Variants in ARF1 observed in about 807,000 individuals in gnomAD.
ARF1 encodes ARF GTPase 1, also known as ADP-ribosylation factor 1.
ARF1 carries 1 observed loss-of-function variant against 18.0 expected under a neutral mutation model. That is an observed-to-expected ratio of 0.06 (90% CI 0.02 to 0.26). The LOEUF (loss-of-function observed/expected upper bound fraction) is 0.26, where lower values mean the gene tolerates loss of function less well. Among genes scored for constraint, ARF1 ranks in the 10% least tolerant of loss-of-function variants. The pLI, the probability that ARF1 is intolerant of heterozygous loss-of-function variation, is 1.00. For missense variants in ARF1, 73 were observed against 247.2 expected, an observed-to-expected ratio of 0.30 and a Z score of 4.73; for synonymous variants, 112 against 96.3, an observed-to-expected ratio of 1.16 and a Z score of -0.95.
At chr1:228,093,743 G>T (rs531340365) in intron 1 of ARF1, among the ~76,000 whole-genome samples, 2 of 152,006 alleles carry the variant, frequency 1.3e-5, no homozygotes, top group African/African-American at 4.8e-5. Flanking sequence ...GACCAACATG[G>T]TGAAACCCCG....
At chr1:228,088,558 C>G (rs1362193284) in intron 1 of ARF1, among the ~76,000 whole-genome samples, 1 of 152,166 alleles carries the variant, frequency 6.6e-6, no homozygotes, top group Non-Finnish European at 1.5e-5. Flanking sequence ...AACAGGTGTT[C>G]TGAAGTTCCA....
intron 1 of ARF1, chr1:228,083,263 G>C (rs3754356): frequency 0.21 from 31,752 of 152,274 alleles, 3,406 homozygotes; most frequent in Middle Eastern, 0.21. Context: ...CCGCCTCGGG[G>C]ACCGGGAAAC....
At chr1:228,083,134 C>T (rs1015037772) in intron 1 of ARF1, 1 of 152,284 alleles carries the variant, frequency 6.6e-6, no homozygotes, top group Non-Finnish European at 1.5e-5. Context: ...CTCTGCCTTT[C>T]TCGTTTCCCG....
At chr1:228,095,588 ATTC>A (rs1228002188) in intron 1 of ARF1, among the ~76,000 whole-genome samples, 3 of 152,160 alleles carry the variant, frequency 2.0e-5, no homozygotes, top group African/African-American at 4.8e-5. Context: ...GTCCAAGACA[ATTC>A]TTCTTCCATT....
intron 1 of ARF1, among the ~76,000 whole-genome samples, chr1:228,091,794 G>A (rs767274212): frequency 2.0e-5 from 3 of 152,162 alleles, no homozygotes; most frequent in Non-Finnish European, 4.4e-5. Context: ...TTTGGCTGGC[G>A]GGTAGCGTGA....
intron 1 of ARF1, among the ~76,000 whole-genome samples, chr1:228,094,334 C>T (rs1313631474): frequency 6.6e-6 from 1 of 152,126 alleles, no homozygotes. Context: ...GCCTTTGACA[C>T]CACACACCCT....
Position 228,098,071 on chromosome 1 carries a change from C to T in ARF1, c.*58C>T, listed in dbSNP as rs1175698396. The T allele has an allele frequency of 2.6e-5, 40 of 1,543,132 alleles. 1 individual carries two copies. The South Asian group carries it at 2.9e-4, about 11-fold the overall frequency. ...CTCTGCTTTACTCTCATGTGGCAAACGTGCGGCTCGTGGTGTGAGTGCCAG... is the reference window on the plus strand; with the variant it reads ...CTCTGCTTTACTCTCATGTGGCAAATGTGCGGCTCGTGGTGTGAGTGCCAG... On this transcript the variant is annotated 3_prime_UTR_variant, in exon 5 of 5. Coordinates refer to ENST00000272102, the MANE Select transcript of ARF1 (RefSeq NM_001658.4).
chr1:228,087,405 A>C (rs2032440459), intron 1 of ARF1, among the ~76,000 whole-genome samples: 1 of 152,142 alleles, frequency 6.6e-6, no homozygotes, highest in East Asian at 1.9e-4. Context: ...TCACCAATCA[A>C]ATTTATTGAT....
At chr1:228,087,602 A>G (rs2032446415) in intron 1 of ARF1, among the ~76,000 whole-genome samples, 1 of 152,072 alleles carries the variant, frequency 6.6e-6, no homozygotes, top group African/African-American at 2.4e-5. Flanking sequence ...GATCATAACC[A>G]CTGCACTCCA....
At chr1:228,094,948 C>T (rs890509840) in intron 1 of ARF1, among the ~76,000 whole-genome samples, 5 of 152,104 alleles carry the variant, frequency 3.3e-5, no homozygotes, top group African/African-American at 9.7e-5. Flanking sequence ...GAGGCCGAAG[C>T]CCAGATTCCT....
intron 1 of ARF1, among the ~76,000 whole-genome samples, chr1:228,091,782 C>T (rs761613872): frequency 4.6e-5 from 7 of 152,136 alleles, no homozygotes; most frequent in Non-Finnish European, 7.4e-5. Flanking sequence ...AGAAATGGAG[C>T]ATTTGGCTGG....
intron 1 of ARF1, among the ~76,000 whole-genome samples, chr1:228,093,796 C>T (rs2032645936): frequency 6.6e-6 from 1 of 151,810 alleles, no homozygotes; most frequent in Non-Finnish European, 1.5e-5. Context: ...AGCGTGGTGG[C>T]ACGCGCCTGT....
Position 228,089,425 on chromosome 1 carries a change from A to G in ARF1, c.-38+6660A>G, listed in dbSNP as rs550142803. On this transcript the variant is annotated intron_variant, in intron 1 of 4. Coordinates refer to ENST00000272102, the MANE Select transcript of ARF1 (RefSeq NM_001658.4). The surrounding 1 kb of genome is among the most constrained non-coding windows in gnomAD (Gnocchi z 4.1). ...ACTGACCAGAGTGGGGTGGGGTGGCAAGGTGGTGCTCGTCCCAAAGCTGGG... is the reference window on the plus strand; with the variant it reads ...ACTGACCAGAGTGGGGTGGGGTGGCGAGGTGGTGCTCGTCCCAAAGCTGGG... Among the ~76,000 whole-genome samples, 8 of 152,180 alleles carry G rather than the reference A, an allele frequency of 5.3e-5. No individual in the cohort carries two copies. The highest frequency in any genetic ancestry group is 1.2e-4 in the Non-Finnish European group (8 of 68,024).
At chr1:228,084,048 G>A (rs2032313534) in intron 1 of ARF1, among the ~76,000 whole-genome samples, 2 of 152,242 alleles carry the variant, frequency 1.3e-5, no homozygotes, top group African/African-American at 4.8e-5. Flanking sequence ...AAGGCTGGTG[G>A]TTCTGGCGTT....
chr1:228,088,505 G>C lies in ARF1; in HGVS notation c.-38+5740G>C, dbSNP rs182360923. 4.7e-3 allele frequency among the ~76,000 whole-genome samples: 720 copies of C among 152,252 alleles called. 3 individuals carry two copies. The highest frequency in any genetic ancestry group is 0.016 in the African/African-American group (682 of 41,520). ...GTAGGGGAGGTCGTCTGATGTCCCAGACCTGTTATAAATATGAAAAAAAAA... is the reference window on the plus strand; with the variant it reads ...GTAGGGGAGGTCGTCTGATGTCCCACACCTGTTATAAATATGAAAAAAAAA... On this transcript the variant is annotated intron_variant, in intron 1 of 4. Coordinates refer to ENST00000272102, the MANE Select transcript of ARF1 (RefSeq NM_001658.4).
At chr1:228,096,997 G>T in intron 1 of ARF1, 81 bp from the exon 2 acceptor site, 1 of 1,295,602 alleles carries the variant, frequency 7.7e-7, no homozygotes, top group Middle Eastern at 2.8e-4. Flanking sequence ...GTGAGGCAGT[G>T]GTGCATCCCT....
chr1:228,086,207 C>G (rs1476975952), intron 1 of ARF1, among the ~76,000 whole-genome samples: 1 of 152,192 alleles, frequency 6.6e-6, no homozygotes, highest in African/African-American at 2.4e-5. Context: ...CTGAACCACA[C>G]TTAAGTACAA....
chr1:228,094,077 TGAG>T lies in ARF1; in HGVS notation c.-37-2996_-37-2994del, dbSNP rs1157247050. On this transcript the variant is annotated intron_variant, in intron 1 of 4. Coordinates refer to ENST00000272102, the MANE Select transcript of ARF1 (RefSeq NM_001658.4). The stretch of plus-strand genomic sequence containing the variant: ...ATGGTTGGCGGCACTGCCCCGGGCA[TGAG>T]GAGGCAGCAGGCATGTGTGGATCAC... Among the ~76,000 whole-genome samples the T allele has an allele frequency of 3.3e-5, 5 of 151,610 alleles. No individual in the cohort carries two copies. In the East Asian group the frequency reaches 5.8e-4, roughly 18 times the overall value.
chr1:228,085,970 C>T (rs1002081202), intron 1 of ARF1, among the ~76,000 whole-genome samples: 2 of 152,190 alleles, frequency 1.3e-5, no homozygotes, highest in Admixed American at 1.3e-4. Flanking sequence ...TGGGCAGCCC[C>T]TACGAAACTT....
Sources: allele counts gnomAD v4.1 joint callset (sites outside exome capture counted in the v4.1 genomes callset), GRCh38; gene constraint gnomAD v4.1.1; non-coding constraint Gnocchi (gnomAD v3.1); transcripts MANE v1.5; gene names NCBI Gene and HGNC (gene_info 2026-07-23, HGNC 2026-07-21).